Variants in DPF3 observed in about 807,000 individuals in gnomAD.
The protein encoded by DPF3 is double PHD fingers 3.
A neutral mutation model predicts 56.8 loss-of-function variants in DPF3; 18 were observed. The ratio of observed to expected loss-of-function variants is 0.32; its 90% CI spans 0.22 to 0.47. The LOEUF is 0.47. DPF3 is among the 20% of genes least tolerant of loss of function. The pLI is 1.00. For synonymous variants in DPF3, 188 were observed against 180.2 expected (o/e 1.04, Z -0.35); for missense variants, 403 against 488.8 (o/e 0.82, Z 1.65).
intron 8 of DPF3, among the ~76,000 whole-genome samples, chr14:72,648,031 C>T (rs1392778707): frequency 1.3e-5 from 2 of 152,178 alleles, no homozygotes; most frequent in Non-Finnish European, 2.9e-5. Flanking sequence ...TTCCTACTTA[C>T]TCAACTTCCA....
Position 72,765,718 on chromosome 14 carries a change from C to T in DPF3, c.193+6015G>A, listed in dbSNP as rs185952303. On this transcript the variant is annotated intron_variant, in intron 2 of 10. Coordinates refer to ENST00000556509, the MANE Select transcript of DPF3 (RefSeq NM_001280542.3). ...ATCCCAGAACTTTGGGAGGCCGAGG[C>T]GGGTGGATCACGAGGTCAGGAGATC... 4.6e-4 allele frequency among the ~76,000 whole-genome samples: 70 copies of T among 152,260 alleles called. No homozygotes were observed. The East Asian group carries it at 0.01, about 23-fold the overall frequency.
intron 1 of DPF3, among the ~76,000 whole-genome samples, chr14:72,805,685 A>C (rs1882743378): frequency 6.6e-6 from 1 of 152,138 alleles, no homozygotes; most frequent in Non-Finnish European, 1.5e-5. Context: ...GTCTCTACTA[A>C]AAATACAAAA....
At chr14:72,724,231 T>C (rs1358084888) in intron 4 of DPF3, 1 of 149,594 alleles carries the variant, frequency 6.7e-6, no homozygotes, top group South Asian at 2.3e-4. Flanking sequence ...TGCTTTTTTT[T>C]CTTTTTTTTT....
chr14:72,738,545 G>A (rs1889995655), intron 3 of DPF3, among the ~76,000 whole-genome samples: 1 of 152,078 alleles, frequency 6.6e-6, no homozygotes, highest in African/African-American at 2.4e-5. Flanking sequence ...GCTGCCAGCA[G>A]ACCAGGTAAA....
At chr14:72,664,020 TC>T (rs1886340050) in intron 8 of DPF3, among the ~76,000 whole-genome samples, 1 of 151,930 alleles carries the variant, frequency 6.6e-6, no homozygotes, top group Admixed American at 6.6e-5. Flanking sequence ...CCCCACTGTC[TC>T]CCTTTCTGAT....
rs1883692546 is a variant in DPF3 at position 72,611,054 on chromosome 14, G to C, written c.*8243C>G. 6.6e-6 allele frequency among the ~76,000 whole-genome samples: 1 copy of C among 152,206 alleles called. No homozygotes were observed. Among genetic ancestry groups the C allele is most frequent in the African/African-American group, 2.4e-5 (1 of 41,448 alleles). On this transcript the variant is annotated 3_prime_UTR_variant, in exon 11 of 11. Coordinates refer to ENST00000556509, the MANE Select transcript of DPF3 (RefSeq NM_001280542.3). ...CTGACTACCTCCACAGAGATCACCA[G>C]AATTCTCCTCACTGGGAGTCATGTG...
intron 3 of DPF3, among the ~76,000 whole-genome samples, chr14:72,750,645 T>A (rs1476414088): frequency 2.0e-5 from 3 of 152,052 alleles, no homozygotes; most frequent in Non-Finnish European, 4.4e-5. Flanking sequence ...ATGAAGAAAC[T>A]TTATATTTTG....
chr14:72,752,156 G>C (rs185745756), intron 3 of DPF3, among the ~76,000 whole-genome samples: 22 of 152,306 alleles, frequency 1.4e-4, no homozygotes, highest in Admixed American at 1.2e-3. Flanking sequence ...AGCCAGGCTT[G>C]ACAGTCTGCA....
intron 1 of DPF3, among the ~76,000 whole-genome samples, chr14:72,873,716 A>T (rs1230080402): frequency 6.6e-6 from 1 of 152,226 alleles, no homozygotes; most frequent in Non-Finnish European, 1.5e-5. Flanking sequence ...AATGTGGCAC[A>T]TATACACCAT....
intron 1 of DPF3, among the ~76,000 whole-genome samples, chr14:72,787,210 G>A (rs1892246306): frequency 6.6e-6 from 1 of 152,208 alleles, no homozygotes; most frequent in Non-Finnish European, 1.5e-5. Flanking sequence ...AAGTGATCAG[G>A]ATATGCACAC....
chr14:72,747,018 GT>G (rs959689260), intron 3 of DPF3, among the ~76,000 whole-genome samples: 9 of 152,244 alleles, frequency 5.9e-5, no homozygotes, highest in Non-Finnish European at 1.0e-4. Context: ...CAAAGTAAAT[GT>G]TTTTAGGCAG....
At chr14:72,777,943 A>G (rs1013159793) in intron 1 of DPF3, among the ~76,000 whole-genome samples, 1 of 152,192 alleles carries the variant, frequency 6.6e-6, no homozygotes, top group Non-Finnish European at 1.5e-5. Flanking sequence ...CAATACAAGA[A>G]TGGCCTAATC....
rs369806737 is a variant in DPF3 at position 72,890,084 on chromosome 14, G to C, written c.32+3973C>G. Reference sequence around the variant, plus strand: ...AGGTGGCAGACATTCTCAGTTAAATGCATACCAACCAGGATTTTGATAATA... The same window carrying C: ...AGGTGGCAGACATTCTCAGTTAAATCCATACCAACCAGGATTTTGATAATA... On this transcript the variant is annotated intron_variant, in intron 1 of 10. Coordinates refer to ENST00000556509, the MANE Select transcript of DPF3 (RefSeq NM_001280542.3). Among the ~76,000 whole-genome samples, 45 of 152,292 alleles carry C rather than the reference G, an allele frequency of 3.0e-4. No individual in the cohort carries two copies. In the South Asian group the frequency reaches 5.8e-3, roughly 20 times the overall value.
At chr14:72,709,601 A>G (rs1453484165) in intron 6 of DPF3, among the ~76,000 whole-genome samples, 3 of 152,146 alleles carry the variant, frequency 2.0e-5, no homozygotes, top group African/African-American at 7.2e-5. Flanking sequence ...AAGAGAATGA[A>G]ACTCCAGGGT....
At chr14:72,692,624 C>G (rs774009883) in intron 7 of DPF3, among the ~76,000 whole-genome samples, 8 of 152,220 alleles carry the variant, frequency 5.3e-5, no homozygotes, top group Non-Finnish European at 8.8e-5. Context: ...CCCCTCCCCT[C>G]TACAACAAAA....
intron 1 of DPF3, among the ~76,000 whole-genome samples, chr14:72,773,173 C>T (rs1891608143): frequency 1.3e-5 from 2 of 150,608 alleles, no homozygotes; most frequent in Non-Finnish European, 1.5e-5. Context: ...CACTCCGTCG[C>T]CCAGGCTGGA....
intron 1 of DPF3, among the ~76,000 whole-genome samples, chr14:72,826,801 G>C (rs1883822714): frequency 6.6e-6 from 1 of 152,136 alleles, no homozygotes; most frequent in Non-Finnish European, 1.5e-5. Context: ...CCAGCACTTT[G>C]GGAGGCAGAC....
intron 1 of DPF3, among the ~76,000 whole-genome samples, chr14:72,833,985 C>T (rs1425286975): frequency 6.6e-6 from 1 of 151,738 alleles, no homozygotes; most frequent in Admixed American, 6.6e-5. Context: ...AGTTCGAAAC[C>T]AGCCTGGCTA....
chr14:72,804,619 G>A (rs1324832476), intron 1 of DPF3, among the ~76,000 whole-genome samples: 3 of 152,130 alleles, frequency 2.0e-5, no homozygotes, highest in Non-Finnish European at 2.9e-5. Flanking sequence ...GTTTGTTTGT[G>A]TTTTTGTTTT....
Sources: gnomAD v4.1 joint callset for allele counts (sites outside exome capture counted in the v4.1 genomes callset) on GRCh38, gnomAD v4.1.1 for gene constraint, MANE v1.5 for transcripts, NCBI Gene and HGNC (gene_info 2026-07-23, HGNC 2026-07-21) for gene names.